LRP4: variants seen among roughly 807,000 people sequenced by gnomAD.
LRP4 encodes LDL receptor related protein 4.
A neutral mutation model predicts 220.3 loss-of-function variants in LRP4; 95 were observed. That is an observed-to-expected ratio of 0.43 (90% CI 0.37 to 0.51). The LOEUF is 0.51. LRP4 is among the 20% of genes least tolerant of loss of function. The pLI is 0.00. For synonymous variants in LRP4, 903 were observed against 954.6 expected (o/e 0.95, Z 1.00); for missense variants, 1,925 against 2,567.0 (o/e 0.75, Z 5.40).
At chr11:46,908,796 T>C (rs1242051987) in intron 1 of LRP4, among the ~76,000 whole-genome samples, 1 of 152,250 alleles carries the variant, frequency 6.6e-6, no homozygotes, top group African/African-American at 2.4e-5. Context: ...TCGAGTGTTG[T>C]TGGTCCAGGG....
chr11:46,892,974 C>A lies in LRP4; in HGVS notation c.1696G>T (p.Gly566Cys), dbSNP rs1941453950. The change falls in exon 13 of 38, where the codon GGT becomes TGT. Residue 566 changes from glycine (G) to cysteine (C), a missense_variant and splice_region_variant. Transcript: ENST00000378623. The stretch of plus-strand genomic sequence containing the variant: ...TCGGGAGCCTGAGATACAACTTACC[C>A]CTCCATGGGATGCAAGGCAATGGCC... Reference protein sequence around the residue: ...PRAIALHPMEGTIYWTDWGNT... With the variant: ...PRAIALHPMECTIYWTDWGNT... 6.2e-7 allele frequency: 1 copy of A among 1,613,096 alleles called. No homozygotes were observed.
intron 37 of LRP4, chr11:46,860,979 G>T (rs1192922847): frequency 2.0e-6 from 2 of 984,444 alleles, no homozygotes; most frequent in East Asian, 2.3e-4. Flanking sequence ...TATCAGAGGG[G>T]TGAAAGAGCT....
In LRP4 at chr11:46,889,929, TG is replaced by T. The variant is rs1189647295; in HGVS notation, c.2092+14del. On this transcript the variant is annotated intron_variant, in intron 15 of 37. Coordinates refer to ENST00000378623, the MANE Select transcript of LRP4 (RefSeq NM_002334.4). ...CATGAGGCTACTTTGGCTCACCCGG[TG>T]GGCAGTTTTTTACCTGCAGGTTGGC... 2 of 1,613,926 alleles carry T rather than the reference TG, an allele frequency of 1.2e-6. No individual in the cohort carries two copies. The highest frequency in any genetic ancestry group is 2.7e-5 in the African/African-American group (2 of 74,886).
In LRP4 at chr11:46,899,859, C is replaced by A. The variant is rs755299278; in HGVS notation, c.430+4G>T. The A allele has an allele frequency of 6.2e-7, 1 of 1,613,464 alleles. No individual in the cohort carries two copies. Among genetic ancestry groups the A allele is most frequent in the South Asian group, 1.1e-5 (1 of 91,080 alleles). On this transcript the variant is annotated splice_donor_region_variant and intron_variant, in intron 4 of 37. Coordinates refer to ENST00000378623, the MANE Select transcript of LRP4 (RefSeq NM_002334.4). The surrounding 1 kb of genome is among the most constrained non-coding windows in gnomAD (Gnocchi z 5.9). ...GCCTGCCTTCCCCCGTTGGGGTCAC[C>A]CACCACACTGCTCATCGCTGTTGTC...
chr11:46,881,758 C>A lies in LRP4; in HGVS notation c.2758G>T (p.Ala920Ser). Reference protein sequence around the residue: ...IDYGSQRLYWADAGMKTIEFA... With the variant: ...IDYGSQRLYWSDAGMKTIEFA... ...TCAATTGTCTTCATGCCGGCGTCAG[C>A]CCAGTATAGACGCTGGGACCCATAA... Residue 920 changes from alanine (A) to serine (S), a missense_variant, in exon 20 of 38, where the codon GCT becomes TCT. Ala to Ser is a moderately conservative substitution (Grantham distance 99). Around this residue, in one of 3 missense-constraint regions of LRP4, gnomAD observed 1,244 missense variants for 1,624.9 expected, o/e 0.77. Transcript: ENST00000378623. 1 of 1,614,178 alleles carries A rather than the reference C, an allele frequency of 6.2e-7. No homozygotes were observed.
chr11:46,895,398 C>A (rs1169512752), intron 10 of LRP4, 107 bp from the exon 11 acceptor site: 9 of 1,490,140 alleles, frequency 6.0e-6, no homozygotes, highest in Admixed American at 5.0e-5. Context: ...ACTTTCCAGG[C>A]CTAGTGGGAA....
intron 16 of LRP4, among the ~76,000 whole-genome samples, chr11:46,888,546 CTCAAAAA>C (rs1431435268): frequency 6.7e-4 from 1 of 1,494 alleles, no homozygotes; most frequent in African/African-American, 7.9e-4. Flanking sequence ...GCAAAACTGT[CTCAAAAA>C]AAAAAAAAAA....
intron 7 of LRP4, among the ~76,000 whole-genome samples, chr11:46,898,131 C>T (rs1274294096): frequency 8.6e-6 from 1 of 116,450 alleles, no homozygotes; most frequent in Non-Finnish European, 1.8e-5. Flanking sequence ...CTGGATGGGG[C>T]GGCTGGCCGG....
chr11:46,868,510 A>C, intron 33 of LRP4, 90 bp downstream of exon 33: 1 of 943,818 alleles, frequency 1.1e-6, no homozygotes, highest in South Asian at 1.3e-5. Context: ...TCCCACCCAG[A>C]AGGACAGATC....
chr11:46,887,387 C>T (rs1003870227), intron 16 of LRP4, among the ~76,000 whole-genome samples: 22 of 152,106 alleles, frequency 1.4e-4, no homozygotes, highest in African/African-American at 5.3e-4. Context: ...ACAGGGGAAG[C>T]GCTGGACACA....
intron 19 of LRP4, 46 bp from the exon 20 acceptor site, chr11:46,881,949 C>T: frequency 6.3e-7 from 1 of 1,582,110 alleles, no homozygotes; most frequent in Admixed American, 1.7e-5. Context: ...TAGTTAATAT[C>T]CAGCAGGGAC....
Position 46,862,697 on chromosome 11 carries a change from C to T in LRP4, c.5294G>A (p.Ser1765Asn). The change falls in exon 37 of 38, where the codon AGC becomes AAC. Residue 1765 changes from serine to asparagine, a missense_variant. Around this residue, in one of 3 missense-constraint regions of LRP4, gnomAD observed 1,244 missense variants for 1,624.9 expected, o/e 0.77. Coordinates refer to ENST00000378623, the MANE Select transcript of LRP4 (RefSeq NM_002334.4). Reference sequence around the variant, plus strand: ...TGTGGATGTTCGGTAGGAGGGGTTGCTGTAGGTGAGGTTCCCCATTCCAGG... The same window carrying T: ...TGTGGATGTTCGGTAGGAGGGGTTGTTGTAGGTGAGGTTCCCCATTCCAGG... ...TDPGMGNLTY[S>N]NPSYRTSTQE... 8 of 1,613,734 alleles carry T rather than the reference C, an allele frequency of 5.0e-6. No homozygotes were observed. The highest frequency in any genetic ancestry group is 6.8e-6 in the Non-Finnish European group (8 of 1,179,888).
At chr11:46,888,548 C>A (rs537318946) in intron 16 of LRP4, among the ~76,000 whole-genome samples, 44 of 31,298 alleles carry the variant, frequency 1.4e-3, no homozygotes, top group South Asian at 9.1e-3. Flanking sequence ...AAAACTGTCT[C>A]AAAAAAAAAA....
In LRP4 at chr11:46,899,065, C is replaced by G. The variant is rs188898341; in HGVS notation, c.548-33G>C. 6 of 1,600,516 alleles carry G rather than the reference C, an allele frequency of 3.7e-6. No homozygotes were observed. The highest frequency in any genetic ancestry group is 1.7e-5 in the Admixed American group (1 of 59,656). On this transcript the variant is annotated intron_variant, in intron 5 of 37. Transcript: ENST00000378623. This position sits in a 1 kb window ranked among gnomAD's most constrained non-coding sequence, Gnocchi z 5.9. Reference sequence around the variant, plus strand: ...GAAGGCAGGGGTGGGGAGGGGCACACACTCAGGCCTGGATGAAGGAGAGGG... The same window carrying G: ...GAAGGCAGGGGTGGGGAGGGGCACAGACTCAGGCCTGGATGAAGGAGAGGG...
intron 1 of LRP4, among the ~76,000 whole-genome samples, chr11:46,910,195 T>G (rs1941836025): frequency 6.6e-6 from 1 of 152,078 alleles, no homozygotes; most frequent in African/African-American, 2.4e-5. Flanking sequence ...GCCTCCAAAG[T>G]TATGAGGCAG....
intron 18 of LRP4, among the ~76,000 whole-genome samples, chr11:46,884,653 C>A (rs1255762296): frequency 7.0e-6 from 1 of 143,814 alleles, no homozygotes; most frequent in East Asian, 2.1e-4. Flanking sequence ...AGGAGAATGG[C>A]GTGAACCTGG....
intron 16 of LRP4, 49 bp downstream of exon 16, chr11:46,889,362 C>T: frequency 6.2e-7 from 1 of 1,610,964 alleles, no homozygotes; most frequent in South Asian, 1.1e-5. Flanking sequence ...TTCCTTCTCC[C>T]CATCCTCACA....
At position 46,894,928 on chromosome 11, in the gene LRP4, C is replaced by T. The variant is rs191107245; in HGVS notation, c.1310-109G>A. 705 of 1,081,408 alleles carry T rather than the reference C, an allele frequency of 6.5e-4. 3 individuals carry two copies. The African/African-American group carries it at 8.9e-3, about 14-fold the overall frequency. The allele number at this position is 1,081,408 out of a possible 1,614,324, so 67.0% of individuals were successfully genotyped here. ...GGAGCCACTTGCTCACAAGGACATG[C>T]CCCAAGCTGTCAGCATCAGTACCAG... On this transcript the variant is annotated intron_variant, in intron 11 of 37. Transcript: ENST00000378623.
At chr11:46,908,787 C>G (rs932893913) in intron 1 of LRP4, among the ~76,000 whole-genome samples, 4 of 152,210 alleles carry the variant, frequency 2.6e-5, no homozygotes, top group Non-Finnish European at 1.5e-5. Context: ...AATCAGCACT[C>G]GAGTGTTGTT....
Sources: allele counts gnomAD v4.1 joint callset (sites outside exome capture counted in the v4.1 genomes callset), GRCh38; gene constraint gnomAD v4.1.1; regional missense constraint gnomAD v4.1.1; non-coding constraint Gnocchi (gnomAD v3.1); transcripts MANE v1.5; gene names NCBI Gene and HGNC (gene_info 2026-07-23, HGNC 2026-07-21).